The following HPSE2 variants were observed in gnomAD, a reference collection of about 807,000 sequenced individuals.
HPSE2 encodes heparanase 2 (inactive).
Under a neutral mutation model 60.5 loss-of-function variants are expected in HPSE2, and 38 were observed. The observed-to-expected ratio is 0.63, with a 90% CI of 0.48 to 0.82. The LOEUF (loss-of-function observed/expected upper bound fraction) is 0.82, where lower values mean the gene tolerates loss of function less well. Ranked by LOEUF, HPSE2 falls within the 40% of genes least tolerant of loss-of-function variation. The pLI is 0.00. For missense variants in HPSE2, 713 were observed against 740.4 expected (o/e 0.96, Z 0.43); for synonymous variants, 295 against 293.2 (o/e 1.01, Z -0.06).
chr10:99,107,245 T>C (rs1844284560), intron 3 of HPSE2, among the ~76,000 whole-genome samples: 1 of 152,214 alleles, frequency 6.6e-6, no homozygotes, highest in Non-Finnish European at 1.5e-5. Flanking sequence ...ATTAATCTGA[T>C]AATAGTTTAG....
At chr10:98,947,468 T>G (rs988716378) in intron 3 of HPSE2, among the ~76,000 whole-genome samples, 1 of 152,086 alleles carries the variant, frequency 6.6e-6, no homozygotes, top group Non-Finnish European at 1.5e-5. Context: ...AAAGTCAAGA[T>G]AACAAGAGAA....
intron 2 of HPSE2, among the ~76,000 whole-genome samples, chr10:99,209,923 C>T (rs1034687661): frequency 2.0e-5 from 3 of 152,182 alleles, no homozygotes; most frequent in African/African-American, 4.8e-5. Flanking sequence ...CTCCTGACCT[C>T]GTGATCTGCC....
intron 9 of HPSE2, among the ~76,000 whole-genome samples, chr10:98,552,551 A>C (rs904484125): frequency 6.6e-6 from 1 of 152,200 alleles, no homozygotes; most frequent in Non-Finnish European, 1.5e-5. Flanking sequence ...ATGGACCTAC[A>C]GTATATAAAA....
chr10:98,511,697 T>C (rs906766182), intron 9 of HPSE2, among the ~76,000 whole-genome samples: 1 of 151,920 alleles, frequency 6.6e-6, no homozygotes, highest in African/African-American at 2.4e-5. Flanking sequence ...CCCAGTGCCA[T>C]AGACATTGGG....
At chr10:99,291,009 T>C in the HPSE2 span, among the ~76,000 whole-genome samples, 1 of 152,106 alleles carries the variant, frequency 6.6e-6, no homozygotes, top group Non-Finnish European at 1.5e-5. Flanking sequence ...GTGAAAAGGG[T>C]AAAAATAATT....
At chr10:98,711,464 T>C (rs928061128) in intron 5 of HPSE2, among the ~76,000 whole-genome samples, 2 of 152,088 alleles carry the variant, frequency 1.3e-5, no homozygotes, top group East Asian at 1.9e-4. Flanking sequence ...TTCAGAAAAA[T>C]AGCATCACTG....
intron 3 of HPSE2, among the ~76,000 whole-genome samples, chr10:99,000,071 G>T (rs1787226007): frequency 6.6e-6 from 1 of 152,072 alleles, no homozygotes; most frequent in Non-Finnish European, 1.5e-5. Flanking sequence ...GCATGCAGTA[G>T]ACACTAATTA....
intron 3 of HPSE2, among the ~76,000 whole-genome samples, chr10:98,857,573 G>A (rs1360253273): frequency 6.6e-6 from 1 of 151,972 alleles, no homozygotes; most frequent in Non-Finnish European, 1.5e-5. Flanking sequence ...TGGTAAACAC[G>A]TACACACCAA....
At chr10:99,186,935 C>G (rs375419593) in intron 2 of HPSE2, among the ~76,000 whole-genome samples, 3 of 151,860 alleles carry the variant, frequency 2.0e-5, no homozygotes, top group African/African-American at 4.8e-5. Context: ...AGCACACACT[C>G]CCATGCCCAG....
chr10:98,754,360 G>A (rs1208693035), intron 3 of HPSE2, among the ~76,000 whole-genome samples: 5 of 152,176 alleles, frequency 3.3e-5, no homozygotes, highest in South Asian at 2.1e-4. Flanking sequence ...ATGAGATTAC[G>A]TAAAAAGACC....
At chr10:99,223,036 A>G (rs1178553549) in intron 2 of HPSE2, among the ~76,000 whole-genome samples, 1 of 152,152 alleles carries the variant, frequency 6.6e-6, no homozygotes, top group African/African-American at 2.4e-5. Context: ...CCTAAGCACA[A>G]TACACGACTG....
At chr10:98,772,341 G>C (rs1034905038) in intron 3 of HPSE2, among the ~76,000 whole-genome samples, 4 of 152,124 alleles carry the variant, frequency 2.6e-5, no homozygotes, top group Non-Finnish European at 5.9e-5. Flanking sequence ...GGGAAACTGA[G>C]GATGGTTGCC....
At chr10:98,571,307 C>A (rs1462155883) in intron 9 of HPSE2, among the ~76,000 whole-genome samples, 1 of 151,994 alleles carries the variant, frequency 6.6e-6, no homozygotes, top group Non-Finnish European at 1.5e-5. Context: ...AGTTTAAGAC[C>A]AGCCTGGGCA....
chr10:98,501,965 AC>A (rs1278608575), intron 9 of HPSE2, among the ~76,000 whole-genome samples: 2 of 152,204 alleles, frequency 1.3e-5, no homozygotes, highest in South Asian at 2.1e-4. Context: ...AAAAAAAAAA[AC>A]AAACTTAAAA....
At chr10:98,594,413 T>C (rs888623573) in intron 9 of HPSE2, among the ~76,000 whole-genome samples, 3 of 152,178 alleles carry the variant, frequency 2.0e-5, no homozygotes, top group Non-Finnish European at 4.4e-5. Context: ...TTCAGATATA[T>C]ATCTATATAT....
At chr10:98,882,872 G>T (rs1352576805) in intron 3 of HPSE2, among the ~76,000 whole-genome samples, 1 of 152,058 alleles carries the variant, frequency 6.6e-6, no homozygotes, top group African/African-American at 2.4e-5. Context: ...ATTACAGTTT[G>T]GGGAACTGAG....
the HPSE2 span, among the ~76,000 whole-genome samples, chr10:99,286,756 T>C: frequency 6.6e-6 from 1 of 152,184 alleles, no homozygotes; most frequent in Non-Finnish European, 1.5e-5. Flanking sequence ...AAACAAAATA[T>C]TTAAGACTTA....
At chr10:98,496,914 C>G (rs1374095745) in intron 9 of HPSE2, among the ~76,000 whole-genome samples, 1 of 151,806 alleles carries the variant, frequency 6.6e-6, no homozygotes, top group Non-Finnish European at 1.5e-5. Context: ...TATAGGAAAA[C>G]ACATCAATAT....
chr10:99,298,838 C>A, the HPSE2 span, among the ~76,000 whole-genome samples: 1 of 152,076 alleles, frequency 6.6e-6, no homozygotes, highest in Non-Finnish European at 1.5e-5. Context: ...CCATGCCCAG[C>A]TAATTTTTGT....
Sources: allele counts gnomAD v4.1 joint callset (sites outside exome capture counted in the v4.1 genomes callset), GRCh38; gene constraint gnomAD v4.1.1; transcripts MANE v1.5; gene names NCBI Gene and HGNC (gene_info 2026-07-23, HGNC 2026-07-21).